Variants in CYP7B1 observed in about 807,000 individuals in gnomAD.
CYP7B1 encodes the protein cytochrome P450 7B1.
A neutral mutation model predicts 42.7 loss-of-function variants in CYP7B1; 29 were observed. The ratio of observed to expected loss-of-function variants is 0.68; its 90% CI spans 0.51 to 0.93. The LOEUF (loss-of-function observed/expected upper bound fraction) is 0.93, where lower values mean the gene tolerates loss of function less well. CYP7B1 is among the 40% of genes least tolerant of loss of function. The pLI is 0.00. For missense variants in CYP7B1, 655 were observed against 600.5 expected (o/e 1.09, Z -0.95); for synonymous variants, 235 against 218.2 (o/e 1.08, Z -0.68).
At position 64,594,483 on chromosome 8, in the gene CYP7B1, C is replaced by G. The variant is rs550410973; in HGVS notation, c.*2159G>C. ...ATGTTACATGAAAACATATACATAC[C>G]AAGATATGCATCAAACACATTAGAA... On this transcript the variant is annotated 3_prime_UTR_variant, in exon 6 of 6. Coordinates refer to ENST00000310193, the MANE Select transcript of CYP7B1 (RefSeq NM_004820.5). Among the ~76,000 whole-genome samples, 97 of 151,926 alleles carry G rather than the reference C, an allele frequency of 6.4e-4. No homozygotes were observed. Among genetic ancestry groups the G allele is most frequent in the African/African-American group, 2.1e-3 (89 of 41,454 alleles).
intron 1 of CYP7B1, among the ~76,000 whole-genome samples, chr8:64,673,677 C>T (rs925312305): frequency 3.2e-4 from 49 of 152,184 alleles, no homozygotes; most frequent in Admixed American, 2.0e-4. Context: ...CTTTCCTGCT[C>T]TGAGTAAGAT....
intron 1 of CYP7B1, among the ~76,000 whole-genome samples, chr8:64,645,853 T>C (rs1314563334): frequency 6.6e-6 from 1 of 152,008 alleles, no homozygotes; most frequent in Non-Finnish European, 1.5e-5. Flanking sequence ...AACAGAGATA[T>C]AGATCAATGG....
At chr8:64,615,334 G>A in intron 3 of CYP7B1, 102 bp from the exon 4 acceptor site, 1 of 1,140,012 alleles carries the variant, frequency 8.8e-7, no homozygotes, top group Non-Finnish European at 1.3e-6. Context: ...CCCAGCCAAG[G>A]ATCAGTGCAT....
At chr8:64,668,380 A>G (rs1285377836) in intron 1 of CYP7B1, among the ~76,000 whole-genome samples, 1 of 152,174 alleles carries the variant, frequency 6.6e-6, no homozygotes, top group Admixed American at 6.5e-5. Flanking sequence ...TCATCTCTGA[A>G]TATGAAGGAC....
chr8:64,622,556 C>A (rs1433844421), intron 2 of CYP7B1, among the ~76,000 whole-genome samples: 2 of 152,104 alleles, frequency 1.3e-5, no homozygotes, highest in Non-Finnish European at 2.9e-5. Context: ...TAGGAGGGCT[C>A]TGGGAGATAT....
chr8:64,633,025 G>A (rs889966047), intron 1 of CYP7B1, among the ~76,000 whole-genome samples: 1 of 152,120 alleles, frequency 6.6e-6, no homozygotes. Flanking sequence ...ATTGTCACTG[G>A]AAGTCTTCAG....
chr8:64,710,989 T>A (rs1026424617), intron 1 of CYP7B1, among the ~76,000 whole-genome samples: 3 of 152,160 alleles, frequency 2.0e-5, no homozygotes, highest in African/African-American at 7.2e-5. Flanking sequence ...CTTCTCACCT[T>A]AAGAATACTT....
intron 1 of CYP7B1, among the ~76,000 whole-genome samples, chr8:64,699,878 C>T (rs921979108): frequency 6.6e-6 from 1 of 152,066 alleles, no homozygotes; most frequent in Non-Finnish European, 1.5e-5. Flanking sequence ...TAATCACATT[C>T]AAGGAGTCAT....
At chr8:64,714,890 A>T (rs1462040821) in intron 1 of CYP7B1, among the ~76,000 whole-genome samples, 1 of 152,202 alleles carries the variant, frequency 6.6e-6, no homozygotes, top group Non-Finnish European at 1.5e-5. Context: ...AAAAAGATGT[A>T]TACTCCTTTC....
intron 1 of CYP7B1, among the ~76,000 whole-genome samples, chr8:64,741,412 C>T (rs1437863894): frequency 2.0e-5 from 3 of 152,048 alleles, no homozygotes; most frequent in South Asian, 2.1e-4. Flanking sequence ...CTTCACCTCC[C>T]GAATTCAAGT....
At chr8:64,793,800 C>T (rs995492254) in intron 1 of CYP7B1, among the ~76,000 whole-genome samples, 5 of 151,896 alleles carry the variant, frequency 3.3e-5, no homozygotes, top group Non-Finnish European at 5.9e-5. Context: ...TTGATATCAA[C>T]TTAAAGATAC....
At chr8:64,618,648 C>T (rs1297038097) in intron 2 of CYP7B1, among the ~76,000 whole-genome samples, 1 of 151,568 alleles carries the variant, frequency 6.6e-6, no homozygotes, top group Non-Finnish European at 1.5e-5. Flanking sequence ...CTCTCCTATC[C>T]CCATCCTCTT....
chr8:64,636,495 A>G (rs1173022030), intron 1 of CYP7B1, among the ~76,000 whole-genome samples: 1 of 152,194 alleles, frequency 6.6e-6, no homozygotes, highest in African/African-American at 2.4e-5. Flanking sequence ...ACCTGGGATC[A>G]TCTAAAATAC....
intron 1 of CYP7B1, among the ~76,000 whole-genome samples, chr8:64,646,206 A>C (rs891744454): frequency 2.6e-5 from 4 of 152,078 alleles, no homozygotes; most frequent in African/African-American, 9.7e-5. Flanking sequence ...AATGGGATCT[A>C]ATTAAACTAA....
intron 4 of CYP7B1, among the ~76,000 whole-genome samples, chr8:64,608,343 A>C (rs1324951699): frequency 2.0e-5 from 3 of 152,262 alleles, no homozygotes; most frequent in Non-Finnish European, 4.4e-5. Context: ...TCAATAATGC[A>C]TGTTACAACA....
At chr8:64,775,190 C>T (rs1804304457) in intron 1 of CYP7B1, among the ~76,000 whole-genome samples, 2 of 152,070 alleles carry the variant, frequency 1.3e-5, no homozygotes, top group South Asian at 2.1e-4. Flanking sequence ...TAGCATTGCT[C>T]CAGTCTTCAG....
At chr8:64,778,357 T>C (rs1804362134) in intron 1 of CYP7B1, among the ~76,000 whole-genome samples, 1 of 151,922 alleles carries the variant, frequency 6.6e-6, no homozygotes, top group Non-Finnish European at 1.5e-5. Context: ...TATTCAGTGC[T>C]AAGATTCTTT....
intron 1 of CYP7B1, among the ~76,000 whole-genome samples, chr8:64,692,269 TA>T (rs1459363247): frequency 6.6e-6 from 1 of 152,244 alleles, no homozygotes; most frequent in Non-Finnish European, 1.5e-5. Flanking sequence ...GGTTCACTCC[TA>T]ACTGCAAATT....
chr8:64,688,615 G>A (rs1386815497), intron 1 of CYP7B1, among the ~76,000 whole-genome samples: 1 of 152,138 alleles, frequency 6.6e-6, no homozygotes, highest in Non-Finnish European at 1.5e-5. Context: ...GGTTTTCTAG[G>A]TGCTGGTGAT....
Sources: gnomAD v4.1 joint callset for allele counts (sites outside exome capture counted in the v4.1 genomes callset) on GRCh38, gnomAD v4.1.1 for gene constraint, MANE v1.5 for transcripts, NCBI Gene and HGNC (gene_info 2026-07-23, HGNC 2026-07-21) for gene names.